Variants in LYG2 observed in about 807,000 individuals in gnomAD.
LYG2 encodes lysozyme g2.
LYG2 carries 25 observed loss-of-function variants against 22.4 expected under a neutral mutation model. The observed-to-expected ratio is 1.12, with a 90% CI of 0.81 to 1.56. The LOEUF is 1.56. Among genes scored for constraint, LYG2 ranks in the 40% most tolerant of loss-of-function variants. LYG2 has a pLI of 0.00. For synonymous variants in LYG2, 88 were observed against 97.0 expected, an observed-to-expected ratio of 0.91 and a Z score of 0.55; for missense variants, 266 against 269.5, an observed-to-expected ratio of 0.99 and a Z score of 0.09.
intron 3 of LYG2, among the ~76,000 whole-genome samples, chr2:99,250,797 C>T (rs941781262): frequency 6.6e-6 from 1 of 152,218 alleles, no homozygotes; most frequent in Non-Finnish European, 1.5e-5. Context: ...ATAGGCTGTT[C>T]ATTCCAGCAC....
intron 3 of LYG2, among the ~76,000 whole-genome samples, chr2:99,251,021 A>C (rs2094025541): frequency 6.6e-6 from 1 of 152,232 alleles, no homozygotes; most frequent in Non-Finnish European, 1.5e-5. Context: ...ACAATCGTAT[A>C]TTTTGTGTGA....
chr2:99,254,518 G>A (rs1230604201), intron 2 of LYG2, among the ~76,000 whole-genome samples: 6 of 151,798 alleles, frequency 4.0e-5, no homozygotes, highest in Middle Eastern at 3.4e-3. Context: ...TGAGTCATGC[G>A]TATCTTACAT....
intron 6 of LYG2, chr2:99,243,373 A>C: frequency 6.7e-7 from 1 of 1,503,688 alleles, no homozygotes; most frequent in South Asian, 1.2e-5. Context: ...AGAGATTTCC[A>C]CTTGGATATA....
Position 99,243,997 on chromosome 2 carries a change from AC to A in LYG2, c.520+1del. ...AAACAAAGTACTCAGAATACAGCCT[AC>A]CTTTGAGGTGCTGAGCAACACTCCA... On this transcript the variant is annotated splice_donor_variant, in intron 6 of 6. Transcript: ENST00000333017. LOFTEE classifies it high-confidence loss of function. 6.2e-7 allele frequency: 1 copy of A among 1,613,842 alleles called. No individual in the cohort carries two copies. Among genetic ancestry groups the A allele is most frequent in the East Asian group, 2.2e-5 (1 of 44,864 alleles).
chr2:99,251,335 G>A (rs577792236), intron 3 of LYG2, among the ~76,000 whole-genome samples: 1 of 152,214 alleles, frequency 6.6e-6, no homozygotes, highest in Non-Finnish European at 1.5e-5. Context: ...ATCCATATAA[G>A]TCTATACCAC....
At chr2:99,254,316 T>C (rs1257205353) in intron 2 of LYG2, 31 bp from the exon 3 acceptor site, 3 of 1,550,196 alleles carry the variant, frequency 1.9e-6, no homozygotes, top group Non-Finnish European at 2.6e-6. Context: ...AACTGGTTAA[T>C]TTTAAAACCT....
rs533197067 is a variant in LYG2 at position 99,245,138 on chromosome 2, G to C, written c.381+124C>G. The C allele has an allele frequency of 1.2e-5, 12 of 1,012,804 alleles. No individual in the cohort carries two copies. The East Asian group carries it at 3.3e-4, about 28-fold the overall frequency. 62.7% of individuals were successfully genotyped at this position (1,012,804 alleles called of 1,614,324 possible). On this transcript the variant is annotated intron_variant, in intron 5 of 6. Transcript: ENST00000333017. ...AAAAAAAAAAAAAAATTATGCTGGAGTACCTGTAGCCAGATGCCAGGGTAT... is the reference window on the plus strand; with the variant it reads ...AAAAAAAAAAAAAAATTATGCTGGACTACCTGTAGCCAGATGCCAGGGTAT...
upstream of LYG2, among the ~76,000 whole-genome samples, chr2:99,256,164 C>T (rs186767836): frequency 4.6e-5 from 7 of 152,306 alleles, no homozygotes; most frequent in East Asian, 7.7e-4. Flanking sequence ...ATAAAACCAC[C>T]TCCACTCCCA....
chr2:99,246,944 A>T, intron 3 of LYG2, 124 bp from the exon 4 acceptor site: 6 of 901,210 alleles, frequency 6.7e-6, no homozygotes, highest in Non-Finnish European at 1.0e-5. Context: ...TCTTGTTGCC[A>T]TTATTTGTTC....
At chr2:99,254,194 G>C (rs2094031875) in intron 3 of LYG2, 24 bp downstream of exon 3, 2 of 1,609,060 alleles carry the variant, frequency 1.2e-6, no homozygotes, top group Middle Eastern at 1.7e-4. Context: ...TGTGAACAAT[G>C]CTAAATCTCA....
At chr2:99,243,566 C>A in intron 6 of LYG2, 1 of 1,364,986 alleles carries the variant, frequency 7.3e-7, no homozygotes, top group Non-Finnish European at 1.0e-6. Flanking sequence ...GATGGGGTCT[C>A]ACTCTGTCTC....
chr2:99,245,243 A>G lies in LYG2; in HGVS notation c.381+19T>C, dbSNP rs776489443. On this transcript the variant is annotated intron_variant, in intron 5 of 6. Transcript: ENST00000333017. ...AGGAGGGATGCAGTGGGGCTGATAGAAAGTTTCTAGCTAAATACCTGCATC... is the reference window on the plus strand; with the variant it reads ...AGGAGGGATGCAGTGGGGCTGATAGGAAGTTTCTAGCTAAATACCTGCATC... 30 of 1,567,038 alleles carry G rather than the reference A, an allele frequency of 1.9e-5. No homozygotes were observed. Among genetic ancestry groups the G allele is most frequent in the Non-Finnish European group, 2.5e-5 (29 of 1,152,572 alleles).
intron 3 of LYG2, among the ~76,000 whole-genome samples, chr2:99,253,114 C>T (rs2094030221): frequency 6.7e-6 from 1 of 148,204 alleles, no homozygotes; most frequent in South Asian, 2.2e-4. Flanking sequence ...GCACCAAAAT[C>T]TTGCAGTATA....
chr2:99,261,175 A>G, the LYG2 span, among the ~76,000 whole-genome samples: 89 of 152,304 alleles, frequency 5.8e-4, 1 homozygote, highest in Middle Eastern at 3.4e-3. Flanking sequence ...TGCGGGGGCC[A>G]TGCAAGGAGG....
At chr2:99,249,191 C>A (rs1260985181) in intron 3 of LYG2, among the ~76,000 whole-genome samples, 1 of 152,110 alleles carries the variant, frequency 6.6e-6, no homozygotes. Context: ...GAGGCTGAGG[C>A]AGGACGATTG....
chr2:99,253,175 T>A (rs189406011), intron 3 of LYG2, among the ~76,000 whole-genome samples: 2 of 152,082 alleles, frequency 1.3e-5, no homozygotes, highest in Admixed American at 1.3e-4. Context: ...CTCTTACACA[T>A]GTTTATGAAC....
chr2:99,255,794 G>T (rs538068629), upstream of LYG2, among the ~76,000 whole-genome samples: 1 of 152,218 alleles, frequency 6.6e-6, no homozygotes, highest in East Asian at 1.9e-4. Flanking sequence ...GCAAAACCAG[G>T]GAGTAGCAAC....
chr2:99,256,116 G>A (rs6711977), upstream of LYG2, among the ~76,000 whole-genome samples: 57,867 of 151,914 alleles, frequency 0.38, 11,879 homozygotes, highest in East Asian at 0.64. Context: ...CAGGGAACAG[G>A]AAGACAAAAC....
rs2094011408 is a variant in LYG2 at position 99,244,042 on chromosome 2, G to A, written c.477C>T (p.Ile159=). 6.2e-7 allele frequency: 1 copy of A among 1,614,048 alleles called. No individual in the cohort carries two copies. The highest frequency in any genetic ancestry group is 1.3e-5 in the African/African-American group (1 of 75,022). The change falls in exon 6 of 7, where the codon ATC becomes ATT. Residue 159 remains isoleucine, a synonymous_variant. Transcript: ENST00000333017. ...TGILTERIKA[I]QKKFPTWSVA... ...CACTCCACGTGGGGAATTTTTTCTG[G>A]ATTGCCTTAATTCTCTCTGTTAGAA...
Sources: allele counts gnomAD v4.1 joint callset (sites outside exome capture counted in the v4.1 genomes callset), GRCh38; gene constraint gnomAD v4.1.1; transcripts MANE v1.5; gene names NCBI Gene and HGNC (gene_info 2026-07-23, HGNC 2026-07-21).